CEP170: variants seen among roughly 807,000 people sequenced by gnomAD.
The protein encoded by CEP170 is centrosomal protein 170.
Under a neutral mutation model 151.9 loss-of-function variants are expected in CEP170, and 21 were observed. The ratio of observed to expected loss-of-function variants is 0.14; its 90% CI spans 0.10 to 0.20. CEP170 has a LOEUF of 0.20. Ranked by LOEUF, CEP170 falls within the 10% of genes least tolerant of loss-of-function variation. The pLI, the probability that CEP170 is intolerant of heterozygous loss-of-function variation, is 1.00. For synonymous variants in CEP170, 356 were observed against 648.8 expected, an observed-to-expected ratio of 0.55 and a Z score of 6.86; for missense variants, 964 against 1,892.9, an observed-to-expected ratio of 0.51 and a Z score of 9.11.
chr1:243,172,638 G>C, intron 11 of CEP170, 59 bp downstream of exon 11: 1 of 1,305,672 alleles, frequency 7.7e-7, no homozygotes, highest in Non-Finnish European at 1.0e-6. Flanking sequence ...TCTCAGACAA[G>C]AAAAAAAAAA....
chr1:243,158,200 A>G (rs1444067930), intron 13 of CEP170, among the ~76,000 whole-genome samples: 2 of 152,238 alleles, frequency 1.3e-5, no homozygotes. Flanking sequence ...ACGGCAGGCA[A>G]AATCAGAAAT....
intron 1 of CEP170, among the ~76,000 whole-genome samples, chr1:243,237,810 C>T (rs2064392092): frequency 6.6e-6 from 1 of 151,872 alleles, no homozygotes; most frequent in Non-Finnish European, 1.5e-5. Flanking sequence ...GGTGGTGAGG[C>T]AGGAGAATTG....
At chr1:243,226,472 G>T (rs2063311767) in intron 1 of CEP170, among the ~76,000 whole-genome samples, 2 of 151,826 alleles carry the variant, frequency 1.3e-5, no homozygotes, top group African/African-American at 4.8e-5. Context: ...TTAATCCATT[G>T]CCATATACTG....
intron 1 of CEP170, among the ~76,000 whole-genome samples, chr1:243,238,333 C>A (rs2064453977): frequency 6.6e-6 from 1 of 152,006 alleles, no homozygotes; most frequent in African/African-American, 2.4e-5. Flanking sequence ...GTGACGTGCA[C>A]CTGTGGTCCC....
At chr1:243,128,618 G>A (rs537594665) in intron 18 of CEP170, 19 of 213,236 alleles carry the variant, frequency 8.9e-5, no homozygotes, top group African/African-American at 4.4e-4. Flanking sequence ...CCAGACTGGA[G>A]TGCAATGGCG....
chr1:243,212,704 T>TC (rs750741342), intron 3 of CEP170, among the ~76,000 whole-genome samples: 65 of 125,008 alleles, frequency 5.2e-4, no homozygotes, highest in Non-Finnish European at 9.3e-4. Flanking sequence ...CTCTCTCTCT[T>TC]TCTTTCAGGG....
chr1:243,242,287 C>T (rs2064926192), intron 1 of CEP170, among the ~76,000 whole-genome samples: 1 of 152,074 alleles, frequency 6.6e-6, no homozygotes, highest in African/African-American at 2.4e-5. Context: ...GGCGTGATCT[C>T]TGCTCAATAC....
At chr1:243,140,244 C>T (rs2055674412) in intron 15 of CEP170, 137 bp from the exon 16 acceptor site, 1 of 1,247,782 alleles carries the variant, frequency 8.0e-7, no homozygotes, top group Non-Finnish European at 1.1e-6. Context: ...TTCAATAAAC[C>T]AATTACTCTT....
intron 17 of CEP170, among the ~76,000 whole-genome samples, chr1:243,133,485 A>T (rs2054658163): frequency 2.6e-5 from 4 of 152,352 alleles, no homozygotes; most frequent in Middle Eastern, 3.4e-3. Flanking sequence ...GAACTAAAAT[A>T]AAAATGATAA....
chr1:243,183,426 T>C (rs891346517), intron 10 of CEP170, among the ~76,000 whole-genome samples: 2 of 152,136 alleles, frequency 1.3e-5, no homozygotes, highest in African/African-American at 4.8e-5. Flanking sequence ...CTTGATATGA[T>C]GCCTGTATCT....
At chr1:243,150,215 A>G (rs1313700481) in intron 14 of CEP170, among the ~76,000 whole-genome samples, 2 of 152,126 alleles carry the variant, frequency 1.3e-5, no homozygotes, top group African/African-American at 4.8e-5. Context: ...CAGTGGCGTG[A>G]TCTCGGCTCA....
intron 10 of CEP170, among the ~76,000 whole-genome samples, chr1:243,179,924 A>G (rs2059509561): frequency 6.6e-6 from 1 of 152,242 alleles, no homozygotes; most frequent in Non-Finnish European, 1.5e-5. Context: ...GAATGACGCA[A>G]CTACTTTAAA....
intron 10 of CEP170, among the ~76,000 whole-genome samples, chr1:243,173,592 T>C (rs2059012038): frequency 6.6e-6 from 1 of 151,610 alleles, no homozygotes; most frequent in African/African-American, 2.4e-5. Flanking sequence ...AAAAATTAGC[T>C]GGGCATGGTG....
chr1:243,221,529 T>A, intron 3 of CEP170, 195 bp downstream of exon 3: 1 of 533,384 alleles, frequency 1.9e-6, no homozygotes, highest in Non-Finnish European at 3.3e-6. Context: ...TTCATCTGCT[T>A]ATAGTTTCTT....
At chr1:243,214,574 C>T (rs2062104833) in intron 3 of CEP170, among the ~76,000 whole-genome samples, 2 of 152,138 alleles carry the variant, frequency 1.3e-5, no homozygotes, top group East Asian at 1.9e-4. Context: ...GGGTGAGCTA[C>T]TGCGCCCAGC....
chr1:243,154,925 G>A (rs1301378494), intron 14 of CEP170, among the ~76,000 whole-genome samples: 1 of 152,158 alleles, frequency 6.6e-6, no homozygotes, highest in Non-Finnish European at 1.5e-5. Flanking sequence ...ACTGGATCTT[G>A]TGTAGCTGGA....
chr1:243,213,974 G>C (rs2062036645), intron 3 of CEP170, among the ~76,000 whole-genome samples: 1 of 152,180 alleles, frequency 6.6e-6, no homozygotes. Context: ...GCCTCCCAAA[G>C]TGCTGGGATT....
At chr1:243,234,761 G>T (rs1008752182) in intron 1 of CEP170, among the ~76,000 whole-genome samples, 1 of 152,126 alleles carries the variant, frequency 6.6e-6, no homozygotes, top group African/African-American at 2.4e-5. Flanking sequence ...ATTAGGGGTG[G>T]CATTTCAACT....
intron 4 of CEP170, among the ~76,000 whole-genome samples, chr1:243,206,961 AAT>A (rs2061462908): frequency 6.6e-6 from 1 of 152,226 alleles, no homozygotes; most frequent in African/African-American, 2.4e-5. Context: ...GATAAAATGA[AAT>A]AATAAAAACT....
Sources: allele counts gnomAD v4.1 joint callset (sites outside exome capture counted in the v4.1 genomes callset), GRCh38; gene constraint gnomAD v4.1.1; transcripts MANE v1.5; gene names NCBI Gene and HGNC (gene_info 2026-07-23, HGNC 2026-07-21).